The following IFT70A variants were observed in gnomAD, a reference collection of about 807,000 sequenced individuals.
IFT70A encodes the protein intraflagellar transport protein 70A.
At chr2:177,614,649 T>A in the IFT70A span, 2 of 152,230 alleles carry the variant, frequency 1.3e-5, no homozygotes, top group Non-Finnish European at 2.9e-5. Context: ...TTGTTATGCA[T>A]CTTTTATACC....
the IFT70A span, chr2:177,618,602 G>A: frequency 6.2e-7 from 1 of 1,606,780 alleles, no homozygotes; most frequent in Middle Eastern, 1.7e-4. Flanking sequence ...TCTCGGCCCA[G>A]CAGCTGCACC....
chr2:177,618,578 G>T, the IFT70A span: 7 of 1,601,268 alleles, frequency 4.4e-6, no homozygotes, highest in Non-Finnish European at 6.0e-6. Flanking sequence ...CGGCTCCTGG[G>T]GCTCCGCTGC....
the IFT70A span, chr2:177,618,711 G>T: frequency 6.5e-7 from 1 of 1,537,276 alleles, no homozygotes; most frequent in Non-Finnish European, 8.8e-7. Context: ...TAACCACCAC[G>T]GCTGTTATGC....
the IFT70A span, chr2:177,617,081 A>G: frequency 1.9e-6 from 3 of 1,613,642 alleles, no homozygotes; most frequent in Non-Finnish European, 2.5e-6. Context: ...CAGAGATGGT[A>G]CATTTTCCGA....
At chr2:177,618,717 T>G in the IFT70A span, 1 of 1,533,228 alleles carries the variant, frequency 6.5e-7, no homozygotes, top group Non-Finnish European at 8.8e-7. Flanking sequence ...CCACGGCTGT[T>G]ATGCGTGCGG....
At chr2:177,618,584 G>A in the IFT70A span, 1 of 1,602,084 alleles carries the variant, frequency 6.2e-7, no homozygotes, top group Non-Finnish European at 8.5e-7. Context: ...CTGGGGCTCC[G>A]CTGCAGTTCT....
chr2:177,618,530 G>A, the IFT70A span: 267 of 1,591,318 alleles, frequency 1.7e-4, 2 homozygotes, highest in African/African-American at 2.9e-3. Flanking sequence ...AACTCCTGCA[G>A]GCGGTAGTAG....
At chr2:177,617,902 T>C in the IFT70A span, 1 of 1,614,228 alleles carries the variant, frequency 6.2e-7, no homozygotes, top group South Asian at 1.1e-5. Flanking sequence ...AGCTACCTCA[T>C]AGTTTCTCAG....
chr2:177,616,647 A>T, the IFT70A span: 24 of 1,360,894 alleles, frequency 1.8e-5, no homozygotes, highest in East Asian at 7.3e-5. Context: ...AAATACAGAT[A>T]AAAAAAAGTG....
chr2:177,618,402 C>A, the IFT70A span: 1 of 1,612,890 alleles, frequency 6.2e-7, no homozygotes, highest in Non-Finnish European at 8.5e-7. Context: ...GGAAGGCGAC[C>A]CGAGTGGCCT....
the IFT70A span, chr2:177,618,147 G>A: frequency 6.2e-7 from 1 of 1,614,248 alleles, no homozygotes; most frequent in Non-Finnish European, 8.5e-7. Flanking sequence ...CAGGCTGGTA[G>A]CCCGAGGCCT....
chr2:177,617,657 A>C, the IFT70A span: 1 of 1,614,246 alleles, frequency 6.2e-7, no homozygotes, highest in South Asian at 1.1e-5. Flanking sequence ...TTATACGTCA[A>C]ATGGGCATTT....
chr2:177,618,499 T>C, the IFT70A span: 8 of 1,587,696 alleles, frequency 5.0e-6, no homozygotes, highest in African/African-American at 1.3e-5. Flanking sequence ...CAGCTGCTCA[T>C]AGCACTCGGC....
At chr2:177,616,803 G>T in the IFT70A span, 1 of 1,599,516 alleles carries the variant, frequency 6.3e-7, no homozygotes, top group Non-Finnish European at 8.5e-7. Flanking sequence ...CTTCTTCGAG[G>T]GGTTGTTCAA....
At chr2:177,616,714 CA>C in the IFT70A span, 1 of 1,517,492 alleles carries the variant, frequency 6.6e-7, no homozygotes, top group Admixed American at 2.4e-5. Context: ...CTACTTATTC[CA>C]TCCTATAATC....
chr2:177,616,656 T>G, the IFT70A span: 2 of 1,423,174 alleles, frequency 1.4e-6, no homozygotes, highest in East Asian at 2.4e-5. Flanking sequence ...TAAAAAAAAG[T>G]GTGGTACGTA....
the IFT70A span, chr2:177,614,415 G>A: frequency 6.6e-6 from 1 of 152,050 alleles, no homozygotes; most frequent in Non-Finnish European, 1.5e-5. Flanking sequence ...TTTAAAAGAT[G>A]GAGGCTACCA....
chr2:177,618,412 T>G, the IFT70A span: 6 of 1,612,528 alleles, frequency 3.7e-6, no homozygotes, highest in Non-Finnish European at 5.1e-6. Context: ...CCGAGTGGCC[T>G]CCGGATAAAG....
the IFT70A span, chr2:177,616,804 G>A: frequency 6.3e-7 from 1 of 1,599,584 alleles, no homozygotes; most frequent in Non-Finnish European, 8.5e-7. Context: ...TTCTTCGAGG[G>A]GTTGTTCAAT....
Sources: allele counts gnomAD v4.1 joint callset, GRCh38; gene constraint gnomAD v4.1.1; transcripts MANE v1.5; gene names NCBI Gene and HGNC (gene_info 2026-07-23, HGNC 2026-07-21).